Variants in GALNT13 observed in about 807,000 individuals in gnomAD.
GALNT13 encodes the protein UDP-GalNAc:polypeptide N-acetylgalactosaminyltransferase 13.
In GALNT13, 28 loss-of-function variants were observed where a neutral mutation model predicts 64.2. The ratio of observed to expected loss-of-function variants is 0.44; its 90% CI spans 0.32 to 0.60. GALNT13 has a LOEUF of 0.60. Ranked by LOEUF, GALNT13 falls within the 20% of genes least tolerant of loss-of-function variation. GALNT13 has a pLI of 0.05. For synonymous variants in GALNT13, 214 were observed against 224.6 expected (o/e 0.95, Z 0.42); for missense variants, 577 against 669.8 (o/e 0.86, Z 1.53).
At chr2:153,288,036 G>T in the GALNT13 span, among the ~76,000 whole-genome samples, 1 of 152,118 alleles carries the variant, frequency 6.6e-6, no homozygotes, top group South Asian at 2.1e-4. Flanking sequence ...GACACTCACA[G>T]GCTGTTGGAG....
intron 9 of GALNT13, among the ~76,000 whole-genome samples, chr2:154,344,071 A>G (rs1329611061): frequency 6.6e-6 from 1 of 151,972 alleles, no homozygotes; most frequent in African/African-American, 2.4e-5. Context: ...TTGATAGAAT[A>G]TGTTTCTAAG....
At chr2:154,065,885 A>G (rs1046033486) in intron 3 of GALNT13, among the ~76,000 whole-genome samples, 20 of 152,208 alleles carry the variant, frequency 1.3e-4, no homozygotes, top group African/African-American at 2.7e-4. Context: ...TGAACTAAGT[A>G]AGTCACCAGT....
intron 3 of GALNT13, among the ~76,000 whole-genome samples, chr2:154,082,581 C>T (rs1054922198): frequency 3.3e-5 from 5 of 151,584 alleles, no homozygotes; most frequent in South Asian, 2.1e-4. Flanking sequence ...CGAATGAATA[C>T]GTACTATTGT....
At chr2:153,577,138 C>T in the GALNT13 span, among the ~76,000 whole-genome samples, 3 of 151,446 alleles carry the variant, frequency 2.0e-5, no homozygotes, top group Admixed American at 6.6e-5. Context: ...GCTACCTTTT[C>T]CCCTGTACAT....
the GALNT13 span, among the ~76,000 whole-genome samples, chr2:153,831,805 A>T: frequency 9.9e-5 from 15 of 152,262 alleles, no homozygotes; most frequent in African/African-American, 3.6e-4. Context: ...ACTCTCGCTA[A>T]TAACTGGAAG....
At chr2:153,531,608 G>A in the GALNT13 span, among the ~76,000 whole-genome samples, 1 of 151,988 alleles carries the variant, frequency 6.6e-6, no homozygotes, top group African/African-American at 2.4e-5. Flanking sequence ...GTTCCCCAAA[G>A]TCTTAACTCA....
At chr2:154,307,020 T>C (rs1052826504) in intron 9 of GALNT13, among the ~76,000 whole-genome samples, 1 of 151,872 alleles carries the variant, frequency 6.6e-6, no homozygotes, top group Non-Finnish European at 1.5e-5. Context: ...TTACACTAAA[T>C]TCACTCCCAA....
chr2:153,269,167 T>C, the GALNT13 span, among the ~76,000 whole-genome samples: 122,769 of 152,072 alleles, frequency 0.81, 50,721 homozygotes, highest in Non-Finnish European at 0.86. Flanking sequence ...TAAAACTTTT[T>C]ATGTTCTACT....
chr2:153,690,311 G>T, the GALNT13 span, among the ~76,000 whole-genome samples: 1 of 151,982 alleles, frequency 6.6e-6, no homozygotes, highest in Admixed American at 6.6e-5. Context: ...TGAAAAATTC[G>T]TAGAGGATTT....
At chr2:153,579,345 T>C in the GALNT13 span, among the ~76,000 whole-genome samples, 1 of 152,066 alleles carries the variant, frequency 6.6e-6, no homozygotes, top group Non-Finnish European at 1.5e-5. Context: ...TCTTAGGGCA[T>C]TTTATTTGTA....
chr2:153,288,971 G>T, the GALNT13 span, among the ~76,000 whole-genome samples: 2 of 152,188 alleles, frequency 1.3e-5, no homozygotes, highest in Non-Finnish European at 2.9e-5. Flanking sequence ...TAGAAAGAAT[G>T]AAGATTCTAA....
chr2:153,589,113 C>T, the GALNT13 span, among the ~76,000 whole-genome samples: 2 of 150,418 alleles, frequency 1.3e-5, no homozygotes, highest in African/African-American at 2.5e-5. Flanking sequence ...CCAGCCTGGG[C>T]AGCAAGCGCA....
At chr2:153,366,052 T>C in the GALNT13 span, among the ~76,000 whole-genome samples, 2 of 152,200 alleles carry the variant, frequency 1.3e-5, no homozygotes, top group Non-Finnish European at 2.9e-5. Context: ...CATGGAATAC[T>C]ATGCAGCCAT....
At chr2:153,133,073 C>A in the GALNT13 span, among the ~76,000 whole-genome samples, 2 of 143,156 alleles carry the variant, frequency 1.4e-5, no homozygotes, top group Non-Finnish European at 3.0e-5. Context: ...GAAACGAGAG[C>A]GTGTTAAGGA....
At chr2:153,831,365 C>T in the GALNT13 span, among the ~76,000 whole-genome samples, 4 of 152,136 alleles carry the variant, frequency 2.6e-5, no homozygotes, top group Admixed American at 6.5e-5. Flanking sequence ...ATAAGAAGTG[C>T]TAGCAGGAGG....
chr2:153,459,454 C>T, the GALNT13 span, among the ~76,000 whole-genome samples: 2 of 151,888 alleles, frequency 1.3e-5, no homozygotes, highest in Admixed American at 6.6e-5. Flanking sequence ...TCAACAACAA[C>T]AATACAAAAA....
At chr2:153,890,195 A>G (rs1330547614) in intron 1 of GALNT13, among the ~76,000 whole-genome samples, 1 of 152,014 alleles carries the variant, frequency 6.6e-6, no homozygotes, top group Non-Finnish European at 1.5e-5. Flanking sequence ...TTCCAAATGT[A>G]TGAATCATGA....
the GALNT13 span, among the ~76,000 whole-genome samples, chr2:153,748,717 G>C: frequency 6.6e-6 from 1 of 151,786 alleles, no homozygotes; most frequent in Non-Finnish European, 1.5e-5. Flanking sequence ...CTCCCATTTT[G>C]TGAGTTGTCT....
the GALNT13 span, among the ~76,000 whole-genome samples, chr2:153,757,572 C>T: frequency 6.6e-6 from 1 of 152,104 alleles, no homozygotes; most frequent in African/African-American, 2.4e-5. Context: ...CAGTGTTCAC[C>T]AATGGTTGTA....
Sources: gnomAD v4.1 joint callset for allele counts (sites outside exome capture counted in the v4.1 genomes callset) on GRCh38, gnomAD v4.1.1 for gene constraint, MANE v1.5 for transcripts, NCBI Gene and HGNC (gene_info 2026-07-23, HGNC 2026-07-21) for gene names.